The following CCDC92B variants were observed in gnomAD, a reference collection of about 807,000 sequenced individuals.
CCDC92B encodes coiled-coil domain-containing 92B.
In CCDC92B, 2 loss-of-function variants were observed where a neutral mutation model predicts 5.6. That is an observed-to-expected ratio of 0.36 (90% CI 0.15 to 1.12). The LOEUF (loss-of-function observed/expected upper bound fraction) is 1.12. Ranked by LOEUF, CCDC92B falls within the 50% of genes most tolerant of loss-of-function variation. The pLI, the probability that CCDC92B is intolerant of heterozygous loss-of-function variation, is 0.40. For missense variants in CCDC92B, 271 were observed against 262.2 expected (o/e 1.03, Z -0.23); for synonymous variants, 115 against 122.3 (o/e 0.94, Z 0.39).
intron 3 of CCDC92B, among the ~76,000 whole-genome samples, chr17:2,726,182 ATTTT>A (rs71150891): frequency 0.85 from 120,914 of 142,174 alleles, 52,183 homozygotes; most frequent in Middle Eastern, 0.95. Flanking sequence ...ATATATATAT[ATTTT>A]TTTTTTTTTG....
At chr17:2,726,020 G>C (rs1368171545) in intron 3 of CCDC92B, among the ~76,000 whole-genome samples, 1 of 123,848 alleles carries the variant, frequency 8.1e-6, no homozygotes, top group African/African-American at 3.1e-5. Flanking sequence ...TTTTGAGATA[G>C]AGTCTTGCTC....
intron 1 of CCDC92B, among the ~76,000 whole-genome samples, chr17:2,740,965 CAAAAAAAAA>C (rs34349370): frequency 3.9e-5 from 2 of 50,908 alleles, no homozygotes; most frequent in East Asian, 6.9e-4. Flanking sequence ...GACCCTGTCT[CAAAAAAAAA>C]AAAAAAAAAA....
chr17:2,726,478 G>A (rs1444121494), intron 3 of CCDC92B, among the ~76,000 whole-genome samples: 13 of 151,024 alleles, frequency 8.6e-5, no homozygotes, highest in East Asian at 3.9e-4. Flanking sequence ...CACCGCGCCC[G>A]GCTAATTTTT....
chr17:2,730,388 G>C (rs1450422344), intron 3 of CCDC92B, 58 bp downstream of exon 3: 1 of 953,496 alleles, frequency 1.0e-6, no homozygotes. Context: ...CAAAGGGCTG[G>C]GAAAAACTCC....
At chr17:2,732,911 G>A (rs2070811871) in intron 2 of CCDC92B, among the ~76,000 whole-genome samples, 1 of 151,932 alleles carries the variant, frequency 6.6e-6, no homozygotes, top group African/African-American at 2.4e-5. Flanking sequence ...TACTCGGGAG[G>A]CTGAGGCAGG....
intron 1 of CCDC92B, among the ~76,000 whole-genome samples, chr17:2,739,675 C>T (rs558215353): frequency 5.3e-5 from 8 of 151,858 alleles, no homozygotes; most frequent in East Asian, 1.9e-4. Context: ...GAGCAAGACT[C>T]GTCTCAAAAA....
At chr17:2,739,168 C>T (rs537935204) in intron 1 of CCDC92B, among the ~76,000 whole-genome samples, 24 of 151,184 alleles carry the variant, frequency 1.6e-4, no homozygotes, top group East Asian at 3.9e-4. Context: ...GAGATCGAGA[C>T]CATCCTGGCT....
chr17:2,734,877 C>T, intron 2 of CCDC92B, 139 bp downstream of exon 2: 8 of 580,804 alleles, frequency 1.4e-5, no homozygotes, highest in Non-Finnish European at 1.7e-5. Context: ...GTCCCAGTTT[C>T]CTTAATCAGA....
intron 2 of CCDC92B, among the ~76,000 whole-genome samples, chr17:2,733,737 C>A (rs1196001657): frequency 1.5e-5 from 2 of 135,444 alleles, no homozygotes; most frequent in Non-Finnish European, 3.1e-5. Context: ...TGAATCAGGA[C>A]CACTGGCTTT....
intron 2 of CCDC92B, among the ~76,000 whole-genome samples, chr17:2,734,582 T>C (rs1415465203): frequency 6.6e-6 from 1 of 151,208 alleles, no homozygotes; most frequent in East Asian, 1.9e-4. Context: ...CTCCACCTCC[T>C]GGGTTCAAGC....
In CCDC92B at chr17:2,724,293, C is replaced by T; in HGVS notation, c.*118G>A. On this transcript the variant is annotated 3_prime_UTR_variant, in exon 4 of 4. Transcript: ENST00000614400. The surrounding 1 kb of genome is among the most constrained non-coding windows in gnomAD (Gnocchi z 5.0). Reference sequence around the variant, plus strand: ...TTTGGGGGGAGCCGGGGCCGCCTCGCCCCGCTTCCTGGAGGAGGGGCGGCT... The same window carrying T: ...TTTGGGGGGAGCCGGGGCCGCCTCGTCCCGCTTCCTGGAGGAGGGGCGGCT... 1 of 985,202 alleles carries T rather than the reference C, an allele frequency of 1.0e-6. No individual in the cohort carries two copies. The highest frequency in any genetic ancestry group is 1.2e-6 in the Non-Finnish European group (1 of 829,854). 61.0% of individuals were successfully genotyped at this position (985,202 alleles called of 1,614,324 possible).
intron 1 of CCDC92B, among the ~76,000 whole-genome samples, chr17:2,747,149 C>T (rs2070996555): frequency 6.6e-6 from 1 of 152,192 alleles, no homozygotes; most frequent in Admixed American, 6.5e-5. Flanking sequence ...TTCTTGTGAC[C>T]TGCTTGCCTG....
At chr17:2,746,728 T>G (rs1254926342) in intron 1 of CCDC92B, among the ~76,000 whole-genome samples, 1 of 152,174 alleles carries the variant, frequency 6.6e-6, no homozygotes, top group Non-Finnish European at 1.5e-5. Context: ...TGGAGTGCAG[T>G]GGCTCGATCT....
At chr17:2,733,204 G>A (rs1279573572) in intron 2 of CCDC92B, among the ~76,000 whole-genome samples, 1 of 151,526 alleles carries the variant, frequency 6.6e-6, no homozygotes, top group Non-Finnish European at 1.5e-5. Context: ...TCAGAATTAG[G>A]GCAAAACAGA....
At chr17:2,730,360 G>C in intron 3 of CCDC92B, 86 bp downstream of exon 3, 1 of 763,372 alleles carries the variant, frequency 1.3e-6, no homozygotes, top group Non-Finnish European at 1.6e-6. Context: ...GCTGGGGACA[G>C]AGAAGGTTTG....
Position 2,720,850 on chromosome 17 carries a change from A to C in CCDC92B, c.*3561T>G, listed in dbSNP as rs961526020. On this transcript the variant is annotated 3_prime_UTR_variant, in exon 4 of 4. Coordinates refer to ENST00000614400, the MANE Select transcript of CCDC92B (RefSeq NM_001355573.2). ...ATAAGGCATATGACAGTCACCCCTA[A>C]AGCACAGGGCTCTATTTCTGTGGGT... The C allele has an allele frequency of 1.3e-5, 2 of 152,188 alleles. No individual in the cohort carries two copies. 9.4% of individuals were successfully genotyped at this position (152,188 alleles called of 1,614,324 possible). A position where few individuals can be genotyped will look rare whatever the true frequency, so the allele number is the denominator to read the frequency against.
chr17:2,732,274 C>G (rs544814305), intron 2 of CCDC92B, among the ~76,000 whole-genome samples: 1 of 152,222 alleles, frequency 6.6e-6, no homozygotes, highest in Non-Finnish European at 1.5e-5. Context: ...TCTCTCCCAA[C>G]CGCCTCCCAG....
rs1232844878 is a variant in CCDC92B, at chr17:2,724,666, C to T, written c.513G>A (p.Leu171=). 8.8e-5 allele frequency: 86 copies of T among 981,670 alleles called. No homozygotes were observed. The highest frequency in any genetic ancestry group is 9.3e-5 in the Non-Finnish European group (77 of 828,230). The allele number at this position is 981,670 out of a possible 1,614,324, so 60.8% of individuals were successfully genotyped here. A position where few individuals can be genotyped will look rare whatever the true frequency, so the allele number is the denominator to read the frequency against. The part of the protein sequence containing the change: ...TAEPRPRRRA[L]RARRPPAAHE... Reference sequence around the variant, plus strand: ...GGGCAGCAGGCGGGCGGCGGGCTCGCAGTGCGCGGCGGCGTGGCCTGGGCT... The same window carrying T: ...GGGCAGCAGGCGGGCGGCGGGCTCGTAGTGCGCGGCGGCGTGGCCTGGGCT... The change falls in exon 4 of 4, where the codon CTG becomes CTA. Residue 171 remains leucine (L), a synonymous_variant. Transcript: ENST00000614400. The surrounding 1 kb of genome is among the most constrained non-coding windows in gnomAD (Gnocchi z 5.0).
intron 1 of CCDC92B, among the ~76,000 whole-genome samples, chr17:2,746,695 G>A (rs564833020): frequency 2.0e-5 from 3 of 152,038 alleles, no homozygotes; most frequent in African/African-American, 4.8e-5. Context: ...TTTTTGAGAC[G>A]GAGTCTCCTC....
Sources: gnomAD v4.1 joint callset for allele counts (sites outside exome capture counted in the v4.1 genomes callset) on GRCh38, gnomAD v4.1.1 for gene constraint, Gnocchi (gnomAD v3.1) non-coding constraint, MANE v1.5 for transcripts, NCBI Gene and HGNC (gene_info 2026-07-23, HGNC 2026-07-21) for gene names.